The following ACER3 variants were observed in gnomAD, a reference collection of about 807,000 sequenced individuals.
ACER3 encodes alkCDase 3.
In ACER3, 16 loss-of-function variants were observed where a neutral mutation model predicts 48.9. The ratio of observed to expected loss-of-function variants is 0.33; its 90% CI spans 0.22 to 0.50. The LOEUF (loss-of-function observed/expected upper bound fraction) is 0.50, where lower values mean the gene tolerates loss of function less well. ACER3 is among the 20% of genes least tolerant of loss of function. The pLI is 0.98. For synonymous variants in ACER3, 109 were observed against 107.8 expected (o/e 1.01, Z -0.07); for missense variants, 227 against 326.0 (o/e 0.70, Z 2.34).
Position 77,024,332 on chromosome 11 carries a change from CTACGTAA to C in ACER3, c.*4007_*4013del, listed in dbSNP as rs1555025255. On this transcript the variant is annotated 3_prime_UTR_variant, in exon 11 of 11. Coordinates refer to ENST00000532485, the MANE Select transcript of ACER3 (RefSeq NM_018367.7). The stretch of plus-strand genomic sequence containing the variant: ...AGGAAATACTTGTTAAAATATCTAA[CTACGTAA>C]TTGCTACATGGGGGAGCTGCTGGTG... 1 of 123,778 alleles carries C rather than the reference CTACGTAA, an allele frequency of 8.1e-6. No individual in the cohort carries two copies. Among genetic ancestry groups the C allele is most frequent in the Non-Finnish European group, 1.8e-5 (1 of 56,818 alleles). The allele number at this position is 123,778 out of a possible 1,614,324, so 7.7% of individuals were successfully genotyped here.
chr11:76,983,843 T>G (rs1591030204), intron 4 of ACER3, among the ~76,000 whole-genome samples: 1 of 150,578 alleles, frequency 6.6e-6, no homozygotes, highest in Non-Finnish European at 1.5e-5. Context: ...CAGGCTGGAG[T>G]GCAATGGCGC....
intron 2 of ACER3, among the ~76,000 whole-genome samples, chr11:76,941,153 G>C (rs117584264): frequency 6.6e-6 from 1 of 151,958 alleles, no homozygotes; most frequent in Non-Finnish European, 1.5e-5. Flanking sequence ...GCTGAATACC[G>C]TAACAAGATT....
chr11:76,961,547 G>A (rs545061317), intron 3 of ACER3, among the ~76,000 whole-genome samples: 1 of 149,050 alleles, frequency 6.7e-6, no homozygotes, highest in Non-Finnish European at 1.5e-5. Flanking sequence ...CAAGGGCTGG[G>A]GCAGAAAAAA....
At chr11:76,960,703 G>A (rs1947967291) in intron 3 of ACER3, among the ~76,000 whole-genome samples, 1 of 152,130 alleles carries the variant, frequency 6.6e-6, no homozygotes, top group African/African-American at 2.4e-5. Context: ...AACATAGGGG[G>A]ATAGTCCAGT....
chr11:76,955,840 A>C (rs1388353704), intron 2 of ACER3, among the ~76,000 whole-genome samples: 1 of 152,222 alleles, frequency 6.6e-6, no homozygotes, highest in Admixed American at 6.5e-5. Context: ...GTATGTTCAT[A>C]TAATGGAATA....
chr11:76,971,165 T>A (rs1948287244), intron 3 of ACER3, among the ~76,000 whole-genome samples: 1 of 152,242 alleles, frequency 6.6e-6, no homozygotes, highest in South Asian at 2.1e-4. Flanking sequence ...TAATGAATAA[T>A]GTTGCTATGA....
chr11:76,918,670 AAAT>A (rs1193518307), intron 1 of ACER3, among the ~76,000 whole-genome samples: 3 of 152,074 alleles, frequency 2.0e-5, no homozygotes, highest in South Asian at 2.1e-4. Flanking sequence ...TTCTCATATC[AAAT>A]AATCTTTATA....
chr11:76,903,900 C>T (rs189548876), intron 1 of ACER3, among the ~76,000 whole-genome samples: 44 of 152,268 alleles, frequency 2.9e-4, no homozygotes, highest in African/African-American at 1.0e-3. Flanking sequence ...CATTTACTAT[C>T]TATTATTCTC....
chr11:77,001,339 T>C (rs1380580561), intron 7 of ACER3, among the ~76,000 whole-genome samples: 1 of 152,200 alleles, frequency 6.6e-6, no homozygotes, highest in Non-Finnish European at 1.5e-5. Context: ...CGCTGCAGCC[T>C]CTGCCTCCCA....
chr11:76,998,844 A>C, intron 7 of ACER3, 23 bp downstream of exon 7: 1 of 1,555,274 alleles, frequency 6.4e-7, no homozygotes, highest in Non-Finnish European at 8.7e-7. Context: ...GATCATCTGC[A>C]CCATGACTGA....
In ACER3 at chr11:76,865,266, T is replaced by A. The variant is rs529169326; in HGVS notation, c.103+4187T>A. ...TCCCAAAGTGTTGAGAATATAGGCA[T>A]GAGCCACCATGCCCAGCCGGGATGA... On this transcript the variant is annotated intron_variant, in intron 1 of 10. Coordinates refer to ENST00000532485, the MANE Select transcript of ACER3 (RefSeq NM_018367.7). Among the ~76,000 whole-genome samples, 178 of 152,068 alleles carry A rather than the reference T, an allele frequency of 1.2e-3. 2 individuals carry two copies. Among genetic ancestry groups the A allele is most frequent in the African/African-American group, 4.1e-3 (170 of 41,484 alleles).
At chr11:76,968,428 A>C (rs1192450633) in intron 3 of ACER3, among the ~76,000 whole-genome samples, 1 of 152,208 alleles carries the variant, frequency 6.6e-6, no homozygotes, top group Non-Finnish European at 1.5e-5. Context: ...TCTTCACAGA[A>C]TTGGAAAAAA....
rs928169495 is a variant in ACER3, at chr11:76,933,435, C to T, written c.214+6768C>T. ...CTAGGCAGAGGACCCTGCAGCCTTCCGCAGTGTTTGTGTCCCTGGGTACTT... is the reference window on the plus strand; with the variant it reads ...CTAGGCAGAGGACCCTGCAGCCTTCTGCAGTGTTTGTGTCCCTGGGTACTT... On this transcript the variant is annotated intron_variant, in intron 2 of 10. Coordinates refer to ENST00000532485, the MANE Select transcript of ACER3 (RefSeq NM_018367.7). 5.4e-5 allele frequency among the ~76,000 whole-genome samples: 8 copies of T among 147,532 alleles called. 1 individual carries two copies. Among genetic ancestry groups the T allele is most frequent in the African/African-American group, 1.9e-4 (8 of 41,180 alleles).
chr11:76,939,573 G>A (rs1264928903), intron 2 of ACER3, among the ~76,000 whole-genome samples: 5 of 152,176 alleles, frequency 3.3e-5, no homozygotes, highest in African/African-American at 1.2e-4. Flanking sequence ...TCTAGCCTGG[G>A]TGACAGAGTG....
chr11:76,918,031 T>G (rs1360343008), intron 1 of ACER3, among the ~76,000 whole-genome samples: 1 of 152,186 alleles, frequency 6.6e-6, no homozygotes, highest in Non-Finnish European at 1.5e-5. Context: ...TTGGTTTTTT[T>G]GCCTTCTTTG....
rs1271186236 is a variant in ACER3 at position 76,860,934 on chromosome 11, G to C, written c.-43G>C. The C allele has an allele frequency of 3.6e-5, 52 of 1,442,014 alleles. No homozygotes were observed. Among genetic ancestry groups the C allele is most frequent in the Middle Eastern group, 4.9e-4 (2 of 4,104 alleles). 89.3% of individuals were successfully genotyped at this position (1,442,014 alleles called of 1,614,324 possible). A position where few individuals can be genotyped will look rare whatever the true frequency, so the allele number is the denominator to read the frequency against. On this transcript the variant is annotated 5_prime_UTR_variant, in exon 1 of 11. Transcript: ENST00000532485. ...GCCGGCCTGGTCGCCAGCCTAACCCGGCACAGTGAGCGGAGCGCCTGGGCG... is the reference window on the plus strand; with the variant it reads ...GCCGGCCTGGTCGCCAGCCTAACCCCGCACAGTGAGCGGAGCGCCTGGGCG...
chr11:77,006,161 A>T (rs1239991545), intron 7 of ACER3, among the ~76,000 whole-genome samples: 1 of 150,580 alleles, frequency 6.6e-6, no homozygotes, highest in Non-Finnish European at 1.5e-5. Flanking sequence ...GCTAATTTTC[A>T]TATTTTTAGT....
chr11:76,882,348 T>C (rs1945550840), intron 1 of ACER3, among the ~76,000 whole-genome samples: 4 of 152,146 alleles, frequency 2.6e-5, no homozygotes, highest in Admixed American at 2.6e-4. Flanking sequence ...GTTGGGTAGT[T>C]TTGATTGACC....
chr11:76,947,382 G>A (rs555921715), intron 2 of ACER3, among the ~76,000 whole-genome samples: 9 of 152,278 alleles, frequency 5.9e-5, no homozygotes, highest in Non-Finnish European at 1.5e-5. Context: ...TTTGCATGGA[G>A]CAAGCTTAAT....
Sources: allele counts gnomAD v4.1 joint callset (sites outside exome capture counted in the v4.1 genomes callset), GRCh38; gene constraint gnomAD v4.1.1; transcripts MANE v1.5; gene names NCBI Gene and HGNC (gene_info 2026-07-23, HGNC 2026-07-21).